Variants in ODAD1 observed in about 807,000 individuals in gnomAD.
The protein encoded by ODAD1 is outer dynein arm docking complex subunit 1, also known as outer dynein arm-docking complex subunit 1.
In ODAD1, 49 loss-of-function variants were observed where a neutral mutation model predicts 67.2. The observed-to-expected ratio is 0.73, with a 90% confidence interval of 0.58 to 0.92. The LOEUF (loss-of-function observed/expected upper bound fraction) is 0.92, where lower values mean the gene tolerates loss of function less well. Ranked by LOEUF, ODAD1 falls within the 40% of genes least tolerant of loss-of-function variation. The pLI, the probability that ODAD1 is intolerant of heterozygous loss-of-function variation, is 0.00. For missense variants in ODAD1, 897 were observed against 953.7 expected (o/e 0.94, Z 0.78); for synonymous variants, 345 against 393.7 (o/e 0.88, Z 1.46).
Position 48,298,245 on chromosome 19 carries a change from G to A in ODAD1, c.1336C>T (p.Leu446Phe), listed in dbSNP as rs751149003. The A allele has an allele frequency of 1.2e-6, 2 of 1,614,126 alleles. No homozygotes were observed. The highest frequency in any genetic ancestry group is 1.3e-5 in the African/African-American group (1 of 75,060). The change falls in exon 13 of 16, where the codon CTC (leucine) becomes TTC (phenylalanine). Residue 446 changes from leucine (L) to phenylalanine (F), a missense_variant. Physicochemically the swap from Leu to Phe is conservative, Grantham distance 22 (BLOSUM62 0). Transcript: ENST00000674294. ...KTSMGDRDMG[L>F]FLSLIEKRLV... ...CGCTTCTCAATGAGGCTCAGGAAGA[G>A]GCCCATGTCCCGGTCTCCCATGCTG...
intron 12 of ODAD1, among the ~76,000 whole-genome samples, chr19:48,300,430 A>C (rs1176776581): frequency 6.6e-6 from 1 of 152,210 alleles, no homozygotes; most frequent in Non-Finnish European, 1.5e-5. Context: ...CAAACAATGA[A>C]ACTTCTAGGA....
chr19:48,302,346 T>C (rs905853536), intron 12 of ODAD1, among the ~76,000 whole-genome samples: 10 of 146,382 alleles, frequency 6.8e-5, no homozygotes, highest in African/African-American at 2.6e-4. Context: ...GGATATAGGA[T>C]AATTGGAGAG....
At chr19:48,310,178 G>C (rs991165882) in intron 7 of ODAD1, among the ~76,000 whole-genome samples, 1 of 152,072 alleles carries the variant, frequency 6.6e-6, no homozygotes, top group Admixed American at 6.6e-5. Flanking sequence ...AGGTTGCAGC[G>C]AGCCAAGATC....
intron 12 of ODAD1, among the ~76,000 whole-genome samples, chr19:48,300,705 C>A (rs772081894): frequency 3.0e-4 from 45 of 152,062 alleles, no homozygotes; most frequent in Non-Finnish European, 5.9e-4. Context: ...AACAAGTGCA[C>A]AAGATTGAAC....
chr19:48,308,195 A>ATG (rs2147323645), intron 7 of ODAD1, among the ~76,000 whole-genome samples: 1 of 151,142 alleles, frequency 6.6e-6, no homozygotes, highest in South Asian at 2.1e-4. Context: ...TTTTTTTGAG[A>ATG]CAGAGTTTCA....
intron 8 of ODAD1, 27 bp from the exon 9 acceptor site, chr19:48,304,167 G>A (rs746224399): frequency 6.3e-7 from 1 of 1,580,504 alleles, no homozygotes; most frequent in Non-Finnish European, 8.6e-7. Flanking sequence ...GGGTCAGGAT[G>A]ACTGGAGGCT....
At position 48,321,715 on chromosome 19, in the gene ODAD1, G is replaced by A; in HGVS notation, c.-101C>T. The stretch of plus-strand genomic sequence containing the variant: ...AGCGGCGGGAGTTGAAAGAGCCTGC[G>A]GTGACCTGTATGGAAGCCCTCGAAG... On this transcript the variant is annotated 5_prime_UTR_variant, in exon 1 of 16. Transcript: ENST00000674294. 2.5e-6 allele frequency: 1 copy of A among 397,292 alleles called. No homozygotes were observed. Among genetic ancestry groups the A allele is most frequent in the East Asian group, 3.6e-5 (1 of 27,998 alleles). The allele number at this position is 397,292 out of a possible 1,614,324, so 24.6% of individuals were successfully genotyped here.
At chr19:48,311,742 G>T in intron 6 of ODAD1, 76 bp from the exon 7 acceptor site, 3 of 949,444 alleles carry the variant, frequency 3.2e-6, no homozygotes, top group Non-Finnish European at 1.7e-6. Context: ...AGCCAAGGAG[G>T]AGACACTTAT....
intron 9 of ODAD1, 53 bp from the exon 10 acceptor site, chr19:48,303,837 G>T (rs1456381976): frequency 6.3e-7 from 1 of 1,578,050 alleles, no homozygotes. Flanking sequence ...CCAACACAGA[G>T]ACCTCCTGGG....
intron 5 of ODAD1, among the ~76,000 whole-genome samples, chr19:48,316,088 G>A (rs1968891210): frequency 6.6e-6 from 1 of 152,078 alleles, no homozygotes; most frequent in South Asian, 2.1e-4. Flanking sequence ...TTTGGCAACT[G>A]CCAAACTGGG....
intron 3 of ODAD1, 73 bp downstream of exon 3, chr19:48,320,226 A>G: frequency 9.8e-7 from 1 of 1,018,258 alleles, no homozygotes; most frequent in Admixed American, 2.5e-5. Flanking sequence ...CTCCCTCCCT[A>G]CAGGACCTGG....
intron 10 of ODAD1, 166 bp downstream of exon 10, chr19:48,303,484 C>T: frequency 1.3e-6 from 1 of 765,918 alleles, no homozygotes; most frequent in South Asian, 1.8e-5. Flanking sequence ...GAGACAGGGC[C>T]ACGGTAAGAC....
intron 5 of ODAD1, 65 bp downstream of exon 5, chr19:48,318,322 A>G: frequency 7.2e-7 from 1 of 1,379,556 alleles, no homozygotes; most frequent in Middle Eastern, 1.8e-4. Context: ...GAGGAAGCTA[A>G]GGCTCAGGGA....
intron 5 of ODAD1, among the ~76,000 whole-genome samples, chr19:48,312,377 T>C (rs1221925240): frequency 1.3e-5 from 2 of 149,338 alleles, no homozygotes; most frequent in African/African-American, 4.9e-5. Flanking sequence ...TGTGACCCCA[T>C]GGAGCTAGCC....
chr19:48,320,528 G>A (rs1270127966), intron 2 of ODAD1, 137 bp from the exon 3 acceptor site: 2 of 308,128 alleles, frequency 6.5e-6, no homozygotes, highest in Non-Finnish European at 1.2e-5. Context: ...CTCCAAGAGG[G>A]GTTGGAGGGG....
At position 48,316,367 on chromosome 19, in the gene ODAD1, G is replaced by A. The variant is rs547061678; in HGVS notation, c.360+2020C>T. Among the ~76,000 whole-genome samples, 27 of 149,536 alleles carry A rather than the reference G, an allele frequency of 1.8e-4. No individual in the cohort carries two copies. The South Asian group carries it at 3.4e-3, about 19-fold the overall frequency. On this transcript the variant is annotated intron_variant, in intron 5 of 15. Transcript: ENST00000674294. ...TGCACTCCAGCCTGGGTGACAGAGC[G>A]AGACTTCGTCAAAAAAAAAAAAACA...
At chr19:48,317,372 C>T (rs1345958986) in intron 5 of ODAD1, among the ~76,000 whole-genome samples, 1 of 152,026 alleles carries the variant, frequency 6.6e-6, no homozygotes, top group Admixed American at 6.6e-5. Flanking sequence ...ACATTGTTTG[C>T]AAGGTCAAAT....
chr19:48,311,350 A>T (rs1304097821), intron 7 of ODAD1, among the ~76,000 whole-genome samples: 1 of 152,178 alleles, frequency 6.6e-6, no homozygotes, highest in Non-Finnish European at 1.5e-5. Flanking sequence ...TCTGCTTTCT[A>T]CAACTATAAA....
At position 48,312,050 on chromosome 19, in the gene ODAD1, C is replaced by G; in HGVS notation, c.427G>C (p.Asp143His). ...KNVRSPGFIL[D>H]QKVKIRRRIR... ...CTTCGCCTGATCTTGACCTTCTGATCCAGGATGAATCCCGGGGACCTGACA... is the reference window on the plus strand; with the variant it reads ...CTTCGCCTGATCTTGACCTTCTGATGCAGGATGAATCCCGGGGACCTGACA... The change falls in exon 6 of 16, where the codon GAT (aspartate) becomes CAT (histidine). Residue 143 changes from aspartate to histidine, a missense_variant. Physicochemically the swap from Asp to His is moderately conservative, Grantham distance 81 (BLOSUM62 -1). Transcript: ENST00000674294. 4 of 1,550,658 alleles carry G rather than the reference C, an allele frequency of 2.6e-6. No homozygotes were observed. The highest frequency in any genetic ancestry group is 3.5e-6 in the Non-Finnish European group (4 of 1,145,804).
Sources: allele counts gnomAD v4.1 joint callset (sites outside exome capture counted in the v4.1 genomes callset), GRCh38; gene constraint gnomAD v4.1.1; transcripts MANE v1.5; gene names NCBI Gene and HGNC (gene_info 2026-07-23, HGNC 2026-07-21).